The following XDH variants were observed in gnomAD, a reference collection of about 807,000 sequenced individuals.
The protein encoded by XDH is xanthine dehydrogenase.
A neutral mutation model predicts 156.1 loss-of-function variants in XDH; 138 were observed. That is an observed-to-expected ratio of 0.88 (90% CI 0.77 to 1.02). The LOEUF (loss-of-function observed/expected upper bound fraction) is 1.02, where lower values mean the gene tolerates loss of function less well. XDH is among the 50% of genes least tolerant of loss of function. The pLI is 0.00. For missense variants in XDH, 1,849 were observed against 1,684.9 expected, an observed-to-expected ratio of 1.10 and a Z score of -1.71; for synonymous variants, 669 against 625.7, an observed-to-expected ratio of 1.07 and a Z score of -1.03.
At chr2:31,401,022 G>A (rs951494690) in intron 4 of XDH, among the ~76,000 whole-genome samples, 198 bp downstream of exon 4, 1 of 152,228 alleles carries the variant, frequency 6.6e-6, no homozygotes, top group Admixed American at 6.5e-5. Flanking sequence ...ACAGGAAGGA[G>A]CTTCAGGCTT....
At chr2:31,377,844 G>C (rs1438685253) in intron 13 of XDH, among the ~76,000 whole-genome samples, 2 of 148,628 alleles carry the variant, frequency 1.3e-5, no homozygotes, top group Non-Finnish European at 3.0e-5. Flanking sequence ...ACATAGTGAG[G>C]CCCTATCTCT....
At chr2:31,391,880 T>C (rs1315858569) in intron 6 of XDH, among the ~76,000 whole-genome samples, 3 of 152,220 alleles carry the variant, frequency 2.0e-5, no homozygotes, top group South Asian at 2.1e-4. Context: ...TTGTGGAGAA[T>C]TGACATAATT....
chr2:31,399,942 A>G (rs776134337), intron 4 of XDH, among the ~76,000 whole-genome samples: 1 of 152,172 alleles, frequency 6.6e-6, no homozygotes, highest in Non-Finnish European at 1.5e-5. Flanking sequence ...TAAACTGTTT[A>G]TTCTTTCTTT....
intron 18 of XDH, among the ~76,000 whole-genome samples, chr2:31,369,238 G>A (rs1686005075): frequency 6.6e-6 from 1 of 152,062 alleles, no homozygotes; most frequent in South Asian, 2.1e-4. Flanking sequence ...GATACTTTAA[G>A]TATCATGTCT....
At chr2:31,349,039 C>CCAAAGATA in intron 26 of XDH, 59 bp from the exon 27 acceptor site, 2 of 1,520,090 alleles carry the variant, frequency 1.3e-6, no homozygotes, top group Non-Finnish European at 1.8e-6. Flanking sequence ...ACATGAATAT[C>CCAAAGATA]TTTGGATGTT....
At chr2:31,413,273 C>G (rs931648317) in intron 1 of XDH, among the ~76,000 whole-genome samples, 2 of 152,160 alleles carry the variant, frequency 1.3e-5, no homozygotes, top group Non-Finnish European at 2.9e-5. Context: ...ACAATGGTTT[C>G]CTAGATTTCT....
At chr2:31,366,528 A>C (rs1013348473) in intron 21 of XDH, among the ~76,000 whole-genome samples, 5 of 152,236 alleles carry the variant, frequency 3.3e-5, no homozygotes, top group African/African-American at 1.2e-4. Flanking sequence ...ACATATGAGG[A>C]AACTGAGGCA....
chr2:31,375,690 CT>C, intron 14 of XDH, 136 bp from the exon 15 acceptor site: 1 of 845,150 alleles, frequency 1.2e-6, no homozygotes. Context: ...AGTTGGGTGA[CT>C]TTAGGCAACT....
In XDH at chr2:31,386,982, GGGAAGAAAGGAAGGAAGGAA is replaced by G. The variant is rs1558307695; in HGVS notation, c.652-447_652-428del. Reference sequence around the variant, plus strand: ...AGGGAGAGAGGGAGGGAGGGAGGGAGGGAAGAAAGGAAGGAAGGAAGGAAGGAAGGAAGGAAGGAAGGAAG... The same window carrying G: ...AGGGAGAGAGGGAGGGAGGGAGGGAGGGAAGGAAGGAAGGAAGGAAGGAAG... On this transcript the variant is annotated intron_variant, in intron 8 of 35. Transcript: ENST00000379416. Among the ~76,000 whole-genome samples, 51 of 81,264 alleles carry G rather than the reference GGGAAGAAAGGAAGGAAGGAA, an allele frequency of 6.3e-4. 1 individual carries two copies. Among genetic ancestry groups the G allele is most frequent in the South Asian group, 5.9e-4 (1 of 1,682 alleles). 53.3% of individuals were successfully genotyped at this position (81,264 alleles called of 152,430 possible).
chr2:31,410,679 C>T (rs368191003), intron 1 of XDH, among the ~76,000 whole-genome samples: 58 of 152,204 alleles, frequency 3.8e-4, no homozygotes, highest in African/African-American at 1.3e-3. Context: ...TCCTGCCCCC[C>T]AAATGCAGAC....
chr2:31,364,838 G>A (rs761609780), intron 23 of XDH, among the ~76,000 whole-genome samples: 32 of 152,310 alleles, frequency 2.1e-4, no homozygotes, highest in Non-Finnish European at 4.0e-4. Context: ...AACAAACTCA[G>A]AATAGGTCAA....
rs1684923301 is a variant in XDH at position 31,334,424 on chromosome 2, A to C, written c.*1534T>G. ...AGAACCACAGATTCTCTCTGGCAGA[A>C]GGTTGGATTTATACAGTGAAGGCAT... On this transcript the variant is annotated 3_prime_UTR_variant, in exon 36 of 36. Coordinates refer to ENST00000379416, the MANE Select transcript of XDH (RefSeq NM_000379.4). 2.0e-5 allele frequency: 3 copies of C among 152,226 alleles called. No individual in the cohort carries two copies. The South Asian group carries it at 6.2e-4, about 31-fold the overall frequency. The allele number at this position is 152,226 out of a possible 1,614,324, so 9.4% of individuals were successfully genotyped here.
At chr2:31,413,259 T>C (rs1189735946) in intron 1 of XDH, among the ~76,000 whole-genome samples, 4 of 152,218 alleles carry the variant, frequency 2.6e-5, no homozygotes, top group Non-Finnish European at 4.4e-5. Context: ...AGAAAGCCAA[T>C]TGCACAATGG....
At chr2:31,405,178 T>A (rs890693344) in intron 2 of XDH, among the ~76,000 whole-genome samples, 1 of 152,190 alleles carries the variant, frequency 6.6e-6, no homozygotes, top group Non-Finnish European at 1.5e-5. Context: ...AGTGTTACGC[T>A]TCCATGGGAT....
rs1281969450 is a variant in XDH, at chr2:31,388,209, G to A, written c.564+18C>T. ...TCAGATTACCCCCAGGCTTCCAGGG[G>A]GAGAAGAACTCACTTACTGAGTGGT... On this transcript the variant is annotated intron_variant, in intron 7 of 35. Coordinates refer to ENST00000379416, the MANE Select transcript of XDH (RefSeq NM_000379.4). 9.3e-6 allele frequency: 15 copies of A among 1,613,926 alleles called. No homozygotes were observed. Among genetic ancestry groups the A allele is most frequent in the African/African-American group, 1.3e-5 (1 of 75,020 alleles).
intron 28 of XDH, 81 bp downstream of exon 28, chr2:31,348,187 G>A (rs923497849): frequency 7.7e-6 from 11 of 1,434,640 alleles, no homozygotes; most frequent in African/African-American, 4.2e-5. Flanking sequence ...GCCTGCTTCT[G>A]CTCTGATAGG....
chr2:31,337,612 A>G, intron 35 of XDH, 29 bp downstream of exon 35: 1 of 1,613,284 alleles, frequency 6.2e-7, no homozygotes. Context: ...CCTCCCCTGG[A>G]CTGAGTGGAT....
intron 12 of XDH, 120 bp from the exon 13 acceptor site, chr2:31,380,096 G>A (rs963994757): frequency 1.4e-5 from 13 of 942,126 alleles, no homozygotes; most frequent in Non-Finnish European, 2.0e-5. Flanking sequence ...CACAGTCAGA[G>A]CAAATGACTG....
chr2:31,344,740 A>T lies in XDH; in HGVS notation c.3352-4T>A. 1 of 1,614,110 alleles carries T rather than the reference A, an allele frequency of 6.2e-7. No individual in the cohort carries two copies. The highest frequency in any genetic ancestry group is 8.5e-7 in the Non-Finnish European group (1 of 1,180,022). On this transcript the variant is annotated splice_region_variant and splice_polypyrimidine_tract_variant and intron_variant, in intron 30 of 35. Coordinates refer to ENST00000379416, the MANE Select transcript of XDH (RefSeq NM_000379.4). Reference sequence around the variant, plus strand: ...TGTCCATGTAGGCAGCTGTGACCTGAGGAGAGGAGATGGCCATCAGGCAGG... The same window carrying T: ...TGTCCATGTAGGCAGCTGTGACCTGTGGAGAGGAGATGGCCATCAGGCAGG...
Sources: gnomAD v4.1 joint callset for allele counts (sites outside exome capture counted in the v4.1 genomes callset) on GRCh38, gnomAD v4.1.1 for gene constraint, MANE v1.5 for transcripts, NCBI Gene and HGNC (gene_info 2026-07-23, HGNC 2026-07-21) for gene names.